ERVV-2: variants seen among roughly 807,000 people sequenced by gnomAD.
The protein encoded by ERVV-2 is endogenous retrovirus group V member 2 Env polyprotein.
For synonymous variants in ERVV-2, 105 were observed against 184.6 expected (o/e 0.57, Z 3.49); for missense variants, 291 against 495.1 (o/e 0.59, Z 3.91).
chr19:53,045,095 C>T (rs780767100), intron 1 of ERVV-2, 137 bp downstream of exon 1: 1 of 152,354 alleles, frequency 6.6e-6, no homozygotes, highest in Non-Finnish European at 1.5e-5. Flanking sequence ...TGTTCACTAA[C>T]GACTGCCCAG....
Position 53,049,983 on chromosome 19 carries a change from C to T in ERVV-2, c.732C>T (p.Ile244=), listed in dbSNP as rs1477789554. 6.0e-6 allele frequency: 9 copies of T among 1,505,072 alleles called. No homozygotes were observed. Among genetic ancestry groups the T allele is most frequent in the African/African-American group, 1.5e-5 (1 of 67,234 alleles). The allele number at this position is 1,505,072 out of a possible 1,614,324, so 93.2% of individuals were successfully genotyped here. A position where few individuals can be genotyped will look rare whatever the true frequency, so the allele number is the denominator to read the frequency against. ...SQLHKWFDSH[I]PRWACTPPGY... ...TACACAAGTGGTTCGACAGCCACAT[C>T]CCCCGGTGGGCCTGTACCCCTCCTG... The change falls in exon 2 of 2, where the codon ATC becomes ATT. Residue 244 remains isoleucine (I), a synonymous_variant. Coordinates refer to ENST00000601417, the MANE Select transcript of ERVV-2 (RefSeq NM_001191055.2).
intron 1 of ERVV-2, among the ~76,000 whole-genome samples, chr19:53,047,568 A>G (rs1045328907): frequency 7.9e-5 from 12 of 152,156 alleles, no homozygotes; most frequent in African/African-American, 2.9e-4. Flanking sequence ...GAGCAAAACA[A>G]TAGGAAGAAA....
chr19:53,051,247 A>G lies in ERVV-2; in HGVS notation c.*388A>G, dbSNP rs1222782464. Among the ~76,000 whole-genome samples, 3 of 147,262 alleles carry G rather than the reference A, an allele frequency of 2.0e-5. No individual in the cohort carries two copies. Among genetic ancestry groups the G allele is most frequent in the Non-Finnish European group, 4.4e-5 (3 of 67,544 alleles). ...CTGCACCCTCCACCTCCCAGGTTCA[A>G]TTGATTCTCCTGTTTCAGCCTCCTC... is the stretch of plus-strand genomic sequence containing the variant. On this transcript the variant is annotated 3_prime_UTR_variant, in exon 2 of 2. Transcript: ENST00000601417.
intron 1 of ERVV-2, among the ~76,000 whole-genome samples, chr19:53,045,664 C>T (rs1253424837): frequency 3.9e-5 from 6 of 152,090 alleles, no homozygotes; most frequent in Admixed American, 6.5e-5. Flanking sequence ...CATTCATGGC[C>T]GTTCACTCCC....
At position 53,050,606 on chromosome 19, in the gene ERVV-2, C is replaced by G. The variant is rs1258813829; in HGVS notation, c.1355C>G (p.Pro452Arg). 9.7e-5 allele frequency: 109 copies of G among 1,124,102 alleles called. No homozygotes were observed. The highest frequency in any genetic ancestry group is 1.4e-4 in the Non-Finnish European group (106 of 771,162). 69.6% of individuals were successfully genotyped at this position (1,124,102 alleles called of 1,614,324 possible). ...TGGGAGGCTGTGAAGTCTGCCCTCC[C>G]CTCCCTCAACTGGTTTGTCCCTTTA... ...AIWEAVKSAL[P>R]SLNWFVPLLG... The change falls in exon 2 of 2, where the codon CCC becomes CGC. Residue 452 changes from proline (P) to arginine (R), a missense_variant. Transcript: ENST00000601417.
chr19:53,050,923 G>C lies in ERVV-2; in HGVS notation c.*64G>C. On this transcript the variant is annotated 3_prime_UTR_variant, in exon 2 of 2. Transcript: ENST00000601417. ...CCCATGTCAGCAGGAAGTAGTTACAGAAGACCCACGACGTCCTTACAACCA... is the reference window on the plus strand; with the variant it reads ...CCCATGTCAGCAGGAAGTAGTTACACAAGACCCACGACGTCCTTACAACCA... 1 of 1,405,190 alleles carries C rather than the reference G, an allele frequency of 7.1e-7. No homozygotes were observed. Among genetic ancestry groups the C allele is most frequent in the South Asian group, 1.5e-5 (1 of 67,530 alleles). 87.0% of individuals were successfully genotyped at this position (1,405,190 alleles called of 1,614,324 possible).
At chr19:53,046,984 G>C (rs559114251) in intron 1 of ERVV-2, among the ~76,000 whole-genome samples, 41 of 152,238 alleles carry the variant, frequency 2.7e-4, no homozygotes, top group African/African-American at 9.6e-4. Context: ...TGGCCAATAT[G>C]GTGGAACCCT....
At position 53,051,299 on chromosome 19, in the gene ERVV-2, G is replaced by A. The variant is rs976213801; in HGVS notation, c.*440G>A. Among the ~76,000 whole-genome samples the A allele has an allele frequency of 2.6e-5, 4 of 151,690 alleles. No homozygotes were observed. Among genetic ancestry groups the A allele is most frequent in the Non-Finnish European group, 5.9e-5 (4 of 67,924 alleles). On this transcript the variant is annotated 3_prime_UTR_variant, in exon 2 of 2. Transcript: ENST00000601417. ...GTAGCTGGGACTACAGGCATGTGCC[G>A]CCATGCCCGGCTAATTTTGTATTTT...
rs7258746 is a variant in ERVV-2 at position 53,051,066 on chromosome 19, A to G, written c.*207A>G. 0.4 allele frequency: 194,276 copies of G among 490,842 alleles called. 38,762 individuals carry two copies. Among genetic ancestry groups the G allele is most frequent in the Admixed American group, 0.52 (13,991 of 26,836 alleles). 30.4% of individuals were successfully genotyped at this position (490,842 alleles called of 1,614,324 possible). A position where few individuals can be genotyped will look rare whatever the true frequency, so the allele number is the denominator to read the frequency against. On this transcript the variant is annotated 3_prime_UTR_variant, in exon 2 of 2. Coordinates refer to ENST00000601417, the MANE Select transcript of ERVV-2 (RefSeq NM_001191055.2). ...ATCTTTAGAAACGCAGCCCACTGAT[A>G]GCTTCCTTGGTGATGCTGCCCACAG...
Position 53,049,060 on chromosome 19 carries a change from A to G in ERVV-2, c.-192A>G, listed in dbSNP as rs906725312. The G allele has an allele frequency of 3.3e-5, 24 of 725,300 alleles. No homozygotes were observed. The African/African-American group carries it at 3.4e-4, about 10-fold the overall frequency. The allele number at this position is 725,300 out of a possible 1,614,324, so 44.9% of individuals were successfully genotyped here. On this transcript the variant is annotated 5_prime_UTR_variant, in exon 2 of 2. Coordinates refer to ENST00000601417, the MANE Select transcript of ERVV-2 (RefSeq NM_001191055.2). ...CTCTGTTCACCCAAAACTAAAGTCA[A>G]TCTCAGTACGGGGAATCTTGGTTGC...
At chr19:53,045,820 C>T (rs1273670346) in intron 1 of ERVV-2, among the ~76,000 whole-genome samples, 1 of 152,086 alleles carries the variant, frequency 6.6e-6, no homozygotes, top group African/African-American at 2.4e-5. Context: ...GGACCTGCTG[C>T]GTTTGCTTCA....
In ERVV-2 at chr19:53,045,629, G is replaced by C. The variant is rs915931285; in HGVS notation, c.-386+671G>C. On this transcript the variant is annotated intron_variant, in intron 1 of 1. Transcript: ENST00000601417. ...ATCTTTTAATTAAAACTACAATCCGGTGTTAAGTCAGCTCTTATACTTGCC... is the reference window on the plus strand; with the variant it reads ...ATCTTTTAATTAAAACTACAATCCGCTGTTAAGTCAGCTCTTATACTTGCC... 1.3e-4 allele frequency among the ~76,000 whole-genome samples: 20 copies of C among 152,142 alleles called. No individual in the cohort carries two copies. The East Asian group carries it at 3.7e-3, about 28-fold the overall frequency.
rs2083914514 is a variant in ERVV-2, at chr19:53,051,576, A to G, written c.*717A>G. ...CGCCCTGTTCTGTCTTTCTGGGTGT[A>G]CTGTTTTGATGACTTTAAAAGCTCC... On this transcript the variant is annotated 3_prime_UTR_variant, in exon 2 of 2. Coordinates refer to ENST00000601417, the MANE Select transcript of ERVV-2 (RefSeq NM_001191055.2). Among the ~76,000 whole-genome samples, 1 of 152,106 alleles carries G rather than the reference A, an allele frequency of 6.6e-6. No individual in the cohort carries two copies.
At position 53,050,774 on chromosome 19, in the gene ERVV-2, G is replaced by A; in HGVS notation, c.1523G>A (p.Gly508Glu). The A allele has an allele frequency of 1.3e-6, 2 of 1,536,086 alleles. No individual in the cohort carries two copies. Among genetic ancestry groups the A allele is most frequent in the Non-Finnish European group, 1.7e-6 (2 of 1,146,910 alleles). The stretch of plus-strand genomic sequence containing the variant: ...GAAAGATATCAGCTATCTGTCATTG[G>A]AGGCCCCAGCACCTATAAGCACATC... ...QMERYQLSVIGGPSTYKHISP... is the reference protein window; with the variant it reads ...QMERYQLSVIEGPSTYKHISP... Residue 508 changes from glycine (G) to glutamate (E), a missense_variant, in exon 2 of 2, where the codon GGA becomes GAA. By Grantham distance (98) the Gly-to-Glu change is moderately conservative. Coordinates refer to ENST00000601417, the MANE Select transcript of ERVV-2 (RefSeq NM_001191055.2).
intron 1 of ERVV-2, among the ~76,000 whole-genome samples, chr19:53,047,116 G>A (rs1271271248): frequency 6.6e-6 from 1 of 151,728 alleles, no homozygotes; most frequent in African/African-American, 2.4e-5. Context: ...CTGAGATCGT[G>A]CCACTGCACT....
intron 1 of ERVV-2, among the ~76,000 whole-genome samples, chr19:53,045,953 T>C (rs931545873): frequency 6.6e-6 from 1 of 152,126 alleles, no homozygotes; most frequent in Non-Finnish European, 1.5e-5. Flanking sequence ...ACTGGGAGGA[T>C]GCCTGCTTAA....
intron 1 of ERVV-2, among the ~76,000 whole-genome samples, chr19:53,046,581 G>A (rs2083891939): frequency 6.6e-6 from 1 of 152,136 alleles, no homozygotes; most frequent in Admixed American, 6.5e-5. Flanking sequence ...ATCATATAAT[G>A]GACTAAAAAA....
intron 1 of ERVV-2, among the ~76,000 whole-genome samples, chr19:53,045,213 G>T (rs1002896270): frequency 6.6e-6 from 1 of 152,188 alleles, no homozygotes; most frequent in Non-Finnish European, 1.5e-5. Flanking sequence ...ACAGTGAGTA[G>T]ATCTGAGACA....
chr19:53,050,908 C>T lies in ERVV-2; in HGVS notation c.*49C>T. The T allele has an allele frequency of 6.9e-7, 1 of 1,449,576 alleles. No homozygotes were observed. Among genetic ancestry groups the T allele is most frequent in the Non-Finnish European group, 9.1e-7 (1 of 1,104,138 alleles). The allele number at this position is 1,449,576 out of a possible 1,614,324, so 89.8% of individuals were successfully genotyped here. Reference sequence around the variant, plus strand: ...TGATGACTTCTTCGCCCCATGTCAGCAGGAAGTAGTTACAGAAGACCCACG... The same window carrying T: ...TGATGACTTCTTCGCCCCATGTCAGTAGGAAGTAGTTACAGAAGACCCACG... On this transcript the variant is annotated 3_prime_UTR_variant, in exon 2 of 2. Coordinates refer to ENST00000601417, the MANE Select transcript of ERVV-2 (RefSeq NM_001191055.2).
Sources: allele counts gnomAD v4.1 joint callset (sites outside exome capture counted in the v4.1 genomes callset), GRCh38; gene constraint gnomAD v4.1.1; transcripts MANE v1.5; gene names NCBI Gene and HGNC (gene_info 2026-07-23, HGNC 2026-07-21).